The following SPEF2 variants were observed in gnomAD, a reference collection of about 807,000 sequenced individuals.
SPEF2 encodes the protein sperm flagella and cilia-associated protein 2.
A neutral mutation model predicts 224.6 loss-of-function variants in SPEF2; 187 were observed. The observed-to-expected ratio is 0.83, with a 90% CI of 0.74 to 0.94. SPEF2 has a LOEUF of 0.94. Ranked by LOEUF, SPEF2 falls within the 40% of genes least tolerant of loss-of-function variation. The pLI, the probability that SPEF2 is intolerant of heterozygous loss-of-function variation, is 0.00. For missense variants in SPEF2, 2,170 were observed against 2,135.6 expected, an observed-to-expected ratio of 1.02 and a Z score of -0.32; for synonymous variants, 715 against 707.3, an observed-to-expected ratio of 1.01 and a Z score of -0.17.
chr5:35,624,761 C>T (rs1000141971), intron 1 of SPEF2, among the ~76,000 whole-genome samples: 8 of 152,116 alleles, frequency 5.3e-5, no homozygotes, highest in Admixed American at 5.2e-4. Context: ...CTCAGCATCC[C>T]GAGTAGCTGG....
intron 13 of SPEF2, among the ~76,000 whole-genome samples, chr5:35,695,009 C>T (rs1755087012): frequency 6.6e-6 from 1 of 152,144 alleles, no homozygotes; most frequent in South Asian, 2.1e-4. Context: ...CGTATTCTAG[C>T]ATGAAGCCGA....
chr5:35,727,662 A>T lies in SPEF2; in HGVS notation c.2915-13A>T. ...TTTACTTGTATTGGAATAATTTGAT[A>T]TGCATGTTTAAGGTTCTCCTAAAGG... On this transcript the variant is annotated splice_polypyrimidine_tract_variant and intron_variant, in intron 20 of 36. Transcript: ENST00000356031. 2 of 1,608,732 alleles carry T rather than the reference A, an allele frequency of 1.2e-6. No individual in the cohort carries two copies. Among genetic ancestry groups the T allele is most frequent in the Non-Finnish European group, 1.7e-6 (2 of 1,176,426 alleles).
Position 35,740,237 on chromosome 5 carries a change from A to G in SPEF2, c.3300A>G (p.Glu1100=), listed in dbSNP as rs1747380682. The G allele has an allele frequency of 6.2e-7, 1 of 1,614,148 alleles. No individual in the cohort carries two copies. The part of the protein sequence containing the change: ...SLPDDLWDDE[E]TKAELHQRVN... ...CTGATGACCTGTGGGATGATGAGGAAACAAAGGCTGAACTACATCAACGAG... is the reference window on the plus strand; with the variant it reads ...CTGATGACCTGTGGGATGATGAGGAGACAAAGGCTGAACTACATCAACGAG... The change falls in exon 23 of 37, where the codon GAA becomes GAG. Residue 1100 remains glutamate (E), a synonymous_variant. Transcript: ENST00000356031.
In SPEF2 at chr5:35,800,051, C is replaced by T. The variant is rs1757217567; in HGVS notation, c.4914C>T (p.His1638=). The T allele has an allele frequency of 1.2e-6, 2 of 1,614,122 alleles. No individual in the cohort carries two copies. Among genetic ancestry groups the T allele is most frequent in the Non-Finnish European group, 1.7e-6 (2 of 1,180,018 alleles). The change falls in exon 34 of 37, where the codon CAC becomes CAT. Residue 1638 remains histidine, a synonymous_variant. Transcript: ENST00000356031. ...YTQMLLYFAC[H]PDTVEGVYRA... ...AGATGCTGCTTTACTTTGCTTGCCA[C>T]CCAGACACCGTGGAAGGAGTCTACA... is the stretch of plus-strand genomic sequence containing the variant.
rs374080226 is a variant in SPEF2, at chr5:35,694,273, G to T, written c.1900-15G>T. 1.9e-5 allele frequency: 31 copies of T among 1,610,866 alleles called. No individual in the cohort carries two copies. Among genetic ancestry groups the T allele is most frequent in the Non-Finnish European group, 2.3e-5 (27 of 1,177,838 alleles). On this transcript the variant is annotated splice_polypyrimidine_tract_variant and intron_variant, in intron 12 of 36. Coordinates refer to ENST00000356031, the MANE Select transcript of SPEF2 (RefSeq NM_024867.4). ...AATGGTAAAATCCCTCCCTATGTGT[G>T]TTTTCTCTCCAAAGGATCCACAACA...
intron 2 of SPEF2, among the ~76,000 whole-genome samples, chr5:35,636,900 T>A (rs1007886512): frequency 1.3e-5 from 2 of 148,348 alleles, no homozygotes; most frequent in Non-Finnish European, 3.0e-5. Flanking sequence ...CGCTTGAACC[T>A]GGGAGATGGA....
At position 35,771,724 on chromosome 5, in the gene SPEF2, C is replaced by T. The variant is rs770739785; in HGVS notation, c.3917C>T (p.Pro1306Leu). 9 of 1,595,372 alleles carry T rather than the reference C, an allele frequency of 5.6e-6. No homozygotes were observed. In the Admixed American group the frequency reaches 1.1e-4, roughly 19 times the overall value. Residue 1306 changes from proline (P) to leucine (L), a missense_variant, in exon 27 of 37, where the codon CCC becomes CTC. Pro to Leu is a moderately conservative substitution (Grantham distance 98). Coordinates refer to ENST00000356031, the MANE Select transcript of SPEF2 (RefSeq NM_024867.4). ...AATAAAAAAGTCAAAAAGGAGCCAC[C>T]CAAGAAAAAACAGGAAGACAAAAAA... Reference protein sequence around the residue: ...GANKKVKKEPPKKKQEDKKPK... With the variant: ...GANKKVKKEPLKKKQEDKKPK...
At chr5:35,648,238 C>CTTT (rs139486927) in intron 5 of SPEF2, among the ~76,000 whole-genome samples, 1 of 151,212 alleles carries the variant, frequency 6.6e-6, no homozygotes, top group African/African-American at 2.4e-5. Flanking sequence ...CATTAATTCA[C>CTTT]TTTTTTTTTG....
chr5:35,789,564 G>T, intron 30 of SPEF2: 1 of 652,496 alleles, frequency 1.5e-6, no homozygotes, highest in Non-Finnish European at 2.7e-6. Context: ...CAGAGGGAAA[G>T]AAAACATTTC....
At chr5:35,736,438 A>T (rs1353445053) in intron 21 of SPEF2, among the ~76,000 whole-genome samples, 1 of 151,932 alleles carries the variant, frequency 6.6e-6, no homozygotes, top group Non-Finnish European at 1.5e-5. Flanking sequence ...GAAAGCAGGC[A>T]CATATTAACT....
intron 1 of SPEF2, among the ~76,000 whole-genome samples, chr5:35,624,910 C>T (rs951241149): frequency 4.6e-5 from 7 of 152,258 alleles, no homozygotes; most frequent in South Asian, 2.1e-4. Flanking sequence ...GCTGAGATTA[C>T]AGGCGTGAGC....
intron 27 of SPEF2, among the ~76,000 whole-genome samples, chr5:35,773,175 C>T (rs897494563): frequency 6.6e-6 from 1 of 152,136 alleles, no homozygotes; most frequent in Non-Finnish European, 1.5e-5. Flanking sequence ...CCCAGGAGTT[C>T]GAGACCAGCC....
Position 35,753,631 on chromosome 5 carries a change from G to A in SPEF2, c.3338G>A (p.Arg1113Gln), listed in dbSNP as rs371870077. The change falls in exon 24 of 37, where the codon CGA (arginine) becomes CAA (glutamine). Residue 1113 changes from arginine to glutamine, a missense_variant. By Grantham distance (43) the Arg-to-Gln change is conservative (BLOSUM62 1). Transcript: ENST00000356031. ...CCTGTTTTTTCTGTTCAGGATCTGCGAGACCGCCTGTGGGACATTTGTGAT... is the reference window on the plus strand; with the variant it reads ...CCTGTTTTTTCTGTTCAGGATCTGCAAGACCGCCTGTGGGACATTTGTGAT... The part of the protein sequence containing the change: ...AELHQRVNDL[R>Q]DRLWDICDAR... The A allele has an allele frequency of 2.3e-5, 37 of 1,614,110 alleles. No homozygotes were observed. Among genetic ancestry groups the A allele is most frequent in the Non-Finnish European group, 3.0e-5 (35 of 1,180,008 alleles).
intron 1 of SPEF2, among the ~76,000 whole-genome samples, chr5:35,621,090 G>A (rs1743439784): frequency 6.6e-6 from 1 of 152,104 alleles, no homozygotes; most frequent in African/African-American, 2.4e-5. Flanking sequence ...TAGCATTAAA[G>A]ATGAAAGATC....
At chr5:35,790,146 G>A (rs1755756356) in intron 30 of SPEF2, 1 of 702,800 alleles carries the variant, frequency 1.4e-6, no homozygotes, top group Non-Finnish European at 2.6e-6. Flanking sequence ...AGCTGAAGCA[G>A]AACATGGCTT....
At chr5:35,740,948 T>A (rs1747511928) in intron 23 of SPEF2, among the ~76,000 whole-genome samples, 1 of 152,204 alleles carries the variant, frequency 6.6e-6, no homozygotes, top group African/African-American at 2.4e-5. Flanking sequence ...TATAGATTAC[T>A]AACAGTCAAA....
At chr5:35,702,558 A>G (rs1446819102) in intron 16 of SPEF2, among the ~76,000 whole-genome samples, 1 of 152,178 alleles carries the variant, frequency 6.6e-6, no homozygotes, top group Non-Finnish European at 1.5e-5. Flanking sequence ...ACTGAAAAAG[A>G]ACAGGAAGGG....
At chr5:35,647,824 T>A (rs1176377000) in intron 5 of SPEF2, among the ~76,000 whole-genome samples, 12 of 152,206 alleles carry the variant, frequency 7.9e-5, no homozygotes, top group Admixed American at 2.0e-4. Context: ...TATATTTAAA[T>A]TTAAGATACC....
chr5:35,671,061 A>G (rs1176831399), intron 10 of SPEF2: 3 of 985,426 alleles, frequency 3.0e-6, no homozygotes, highest in Non-Finnish European at 3.6e-6. Context: ...ATCAACAGCA[A>G]TGGAATGAGG....
Sources: gnomAD v4.1 joint callset for allele counts (sites outside exome capture counted in the v4.1 genomes callset) on GRCh38, gnomAD v4.1.1 for gene constraint, MANE v1.5 for transcripts, NCBI Gene and HGNC (gene_info 2026-07-23, HGNC 2026-07-21) for gene names.